PDE4D: variants seen among roughly 807,000 people sequenced by gnomAD.
PDE4D encodes phosphodiesterase 4D, also known as 3',5'-cyclic-AMP phosphodiesterase 4D.
Under a neutral mutation model 87.4 loss-of-function variants are expected in PDE4D, and 24 were observed. That is an observed-to-expected ratio of 0.27 (90% CI 0.20 to 0.39). PDE4D has a LOEUF of 0.39. Ranked by LOEUF, PDE4D falls within the 10% of genes least tolerant of loss-of-function variation. The pLI, the probability that PDE4D is intolerant of heterozygous loss-of-function variation, is 1.00. For missense variants in PDE4D, 714 were observed against 1,041.0 expected, an observed-to-expected ratio of 0.69 and a Z score of 4.32; for synonymous variants, 384 against 383.2, an observed-to-expected ratio of 1.00 and a Z score of -0.02.
intron 1 of PDE4D, among the ~76,000 whole-genome samples, chr5:59,628,810 C>T (rs1042289669): frequency 4.6e-5 from 7 of 152,120 alleles, no homozygotes; most frequent in African/African-American, 1.2e-4. Flanking sequence ...TGTATTAGTC[C>T]GTTCTCATCC....
chr5:59,626,550 C>G (rs1214215357), intron 1 of PDE4D, among the ~76,000 whole-genome samples: 1 of 152,036 alleles, frequency 6.6e-6, no homozygotes, highest in African/African-American at 2.4e-5. Context: ...TTGCAGTTTA[C>G]AAAAATGGAA....
chr5:60,189,547 T>C (rs2149517988), intron 1 of PDE4D, among the ~76,000 whole-genome samples: 1 of 152,322 alleles, frequency 6.6e-6, no homozygotes, highest in South Asian at 2.1e-4. Context: ...AATATAAATC[T>C]ATGTATTGAA....
At chr5:59,788,686 C>T (rs571608820) in intron 1 of PDE4D, among the ~76,000 whole-genome samples, 12 of 152,264 alleles carry the variant, frequency 7.9e-5, no homozygotes, top group East Asian at 3.9e-4. Flanking sequence ...CTGTGGGACA[C>T]ATTTAGAACT....
intron 1 of PDE4D, among the ~76,000 whole-genome samples, chr5:60,518,003 C>T (rs889780278): frequency 1.3e-5 from 2 of 152,254 alleles, no homozygotes; most frequent in African/African-American, 2.4e-5. Context: ...CTCTTTGGGG[C>T]TCTGTAGTTC....
At chr5:59,748,476 A>G (rs1759949801) in intron 1 of PDE4D, among the ~76,000 whole-genome samples, 2 of 152,174 alleles carry the variant, frequency 1.3e-5, no homozygotes, top group Admixed American at 1.3e-4. Context: ...CAGCCATAAA[A>G]AAGGATGAGT....
intron 1 of PDE4D, among the ~76,000 whole-genome samples, chr5:59,753,355 G>A (rs1760761553): frequency 6.6e-6 from 1 of 152,170 alleles, no homozygotes; most frequent in South Asian, 2.1e-4. Context: ...CAAGGCAGAA[G>A]TCAAATATGA....
chr5:60,150,069 G>GTATGTATATAT (rs1781374335), intron 2 of PDE4D, among the ~76,000 whole-genome samples: 3 of 145,964 alleles, frequency 2.1e-5, no homozygotes, highest in African/African-American at 7.5e-5. Context: ...TAGTATATAT[G>GTATGTATATAT]ACTAGTATAT....
At chr5:59,794,913 C>G (rs900563864) in intron 1 of PDE4D, among the ~76,000 whole-genome samples, 1 of 152,156 alleles carries the variant, frequency 6.6e-6, no homozygotes, top group African/African-American at 2.4e-5. Context: ...TGGGACACAG[C>G]TCATCACTCA....
chr5:60,274,030 G>A (rs78311404), intron 1 of PDE4D, among the ~76,000 whole-genome samples: 1 of 152,240 alleles, frequency 6.6e-6, no homozygotes, highest in South Asian at 2.1e-4. Context: ...GATGGTGAAA[G>A]GATCCATGTT....
intron 1 of PDE4D, among the ~76,000 whole-genome samples, chr5:59,474,481 T>A (rs1244646670): frequency 6.6e-6 from 1 of 152,086 alleles, no homozygotes; most frequent in African/African-American, 2.4e-5. Context: ...TACATGAACA[T>A]GGGATATACT....
intron 5 of PDE4D, among the ~76,000 whole-genome samples, chr5:59,074,546 C>T (rs1765372077): frequency 6.6e-6 from 1 of 152,072 alleles, no homozygotes; most frequent in South Asian, 2.1e-4. Context: ...TTGCTTGAGG[C>T]CAGGAGTTCC....
At chr5:60,383,183 G>T (rs1761981989) in intron 1 of PDE4D, among the ~76,000 whole-genome samples, 1 of 151,978 alleles carries the variant, frequency 6.6e-6, no homozygotes, top group Admixed American at 6.6e-5. Flanking sequence ...ATTAGCAAAT[G>T]AAATGAATGC....
rs529400223 is a variant in PDE4D, at chr5:59,880,379, C to T, written c.455+12789G>A. Reference sequence around the variant, plus strand: ...CCCGCCTCGGCCTCCTAAAGTACGGCGATTACAGGTGTGAGCCACTGTGCC... The same window carrying T: ...CCCGCCTCGGCCTCCTAAAGTACGGTGATTACAGGTGTGAGCCACTGTGCC... On this transcript the variant is annotated intron_variant, in intron 1 of 14. Transcript: ENST00000340635. 2.6e-5 allele frequency among the ~76,000 whole-genome samples: 4 copies of T among 152,022 alleles called. No homozygotes were observed. In the East Asian group the frequency reaches 5.8e-4, roughly 22 times the overall value.
Position 60,199,854 on chromosome 5 carries a change from T to TA in PDE4D, c.-89-14168dup, listed in dbSNP as rs1741707989. Among the ~76,000 whole-genome samples, 4 of 151,864 alleles carry TA rather than the reference T, an allele frequency of 2.6e-5. No individual in the cohort carries two copies. In the South Asian group the frequency reaches 8.3e-4, roughly 32 times the overall value. On this transcript the variant is annotated intron_variant, in intron 1 of 16. Coordinates refer to the PDE4D transcript ENST00000502484. Reference sequence around the variant, plus strand: ...AGATTATCTCATTCATAAATATTACTAAGGAAAGAGACCCCATATTCCCAG... The same window carrying TA: ...AGATTATCTCATTCATAAATATTACTAAAGGAAAGAGACCCCATATTCCCAG...
intron 3 of PDE4D, among the ~76,000 whole-genome samples, chr5:59,187,171 T>G (rs1226305789): frequency 6.6e-6 from 1 of 152,124 alleles, no homozygotes; most frequent in Non-Finnish European, 1.5e-5. Context: ...AAGGGAAACA[T>G]CAGTCATGAA....
chr5:60,228,226 T>A (rs1465682402), intron 1 of PDE4D, among the ~76,000 whole-genome samples: 2 of 152,086 alleles, frequency 1.3e-5, no homozygotes, highest in Non-Finnish European at 2.9e-5. Flanking sequence ...CATGAACACA[T>A]ATATTTATTT....
intron 1 of PDE4D, among the ~76,000 whole-genome samples, chr5:59,406,987 A>G (rs867168933): frequency 6.6e-6 from 1 of 152,184 alleles, no homozygotes; most frequent in Non-Finnish European, 1.5e-5. Context: ...CATATTCAAC[A>G]GGGAGACACT....
At chr5:59,175,430 T>G (rs1015498296) in intron 5 of PDE4D, among the ~76,000 whole-genome samples, 1 of 151,822 alleles carries the variant, frequency 6.6e-6, no homozygotes, top group African/African-American at 2.4e-5. Flanking sequence ...AAACACTTGG[T>G]GAGTTCCTCA....
chr5:59,410,783 T>C (rs1214543321), intron 1 of PDE4D, among the ~76,000 whole-genome samples: 1 of 152,142 alleles, frequency 6.6e-6, no homozygotes, highest in Non-Finnish European at 1.5e-5. Flanking sequence ...ATCTTAGCTA[T>C]TGTGAATAGT....
Sources: gnomAD v4.1 joint callset for allele counts (sites outside exome capture counted in the v4.1 genomes callset) on GRCh38, gnomAD v4.1.1 for gene constraint, MANE v1.5 for transcripts, NCBI Gene and HGNC (gene_info 2026-07-23, HGNC 2026-07-21) for gene names.